FAM227B: variants seen among roughly 807,000 people sequenced by gnomAD.
The protein encoded by FAM227B is family with sequence similarity 227 member B.
In FAM227B, 88 loss-of-function variants were observed where a neutral mutation model predicts 73.8. That is an observed-to-expected ratio of 1.19 (90% CI 1.00 to 1.42). The LOEUF (loss-of-function observed/expected upper bound fraction) is 1.42, where lower values mean the gene tolerates loss of function less well. Among genes scored for constraint, FAM227B ranks in the 40% most tolerant of loss-of-function variants. FAM227B has a pLI of 0.00. For synonymous variants in FAM227B, 210 were observed against 190.5 expected, an observed-to-expected ratio of 1.10 and a Z score of -0.84; for missense variants, 632 against 590.9, an observed-to-expected ratio of 1.07 and a Z score of -0.72.
intron 3 of FAM227B, among the ~76,000 whole-genome samples, chr15:49,598,931 T>C (rs911350971): frequency 1.3e-5 from 2 of 152,184 alleles, no homozygotes; most frequent in East Asian, 1.9e-4. Context: ...CGTGTCCTTG[T>C]AGTATCAGGG....
At chr15:49,366,600 T>A in intron 13 of FAM227B, 1 of 1,600,538 alleles carries the variant, frequency 6.2e-7, no homozygotes, top group Non-Finnish European at 8.6e-7. Flanking sequence ...GCATGCAAGA[T>A]TGCTTCCTGA....
In FAM227B at chr15:49,332,862, G is replaced by A. The variant is rs113608274; in HGVS notation, c.1350-1013C>T. Among the ~76,000 whole-genome samples the A allele has an allele frequency of 6.5e-3, 983 of 152,198 alleles. 17 individuals carry two copies. Among genetic ancestry groups the A allele is most frequent in the African/African-American group, 0.023 (943 of 41,504 alleles). Reference sequence around the variant, plus strand: ...GAAGGCAGAGTGGGATTACTTAGTCGGAGGTTCTCTTGCATTTGTGCTCTG... The same window carrying A: ...GAAGGCAGAGTGGGATTACTTAGTCAGAGGTTCTCTTGCATTTGTGCTCTG... On this transcript the variant is annotated intron_variant, in intron 14 of 15. Transcript: ENST00000299338.
intron 9 of FAM227B, among the ~76,000 whole-genome samples, chr15:49,555,244 G>T (rs1360282098): frequency 6.6e-6 from 1 of 152,218 alleles, no homozygotes; most frequent in Non-Finnish European, 1.5e-5. Context: ...TTATAAAGCA[G>T]ATTTGTTGGT....
rs927717170 is a variant in FAM227B, at chr15:49,450,288, C to A, written c.1012+57923G>T. On this transcript the variant is annotated intron_variant, in intron 11 of 15. Transcript: ENST00000299338. ...TCATCATCTTTTAGCAGTTTCCTGT[C>A]AATACAAGATAACTCTTTCTTCCAA... Among the ~76,000 whole-genome samples, 5 of 152,058 alleles carry A rather than the reference C, an allele frequency of 3.3e-5. No homozygotes were observed. The East Asian group carries it at 9.6e-4, about 29-fold the overall frequency.
chr15:49,370,615 T>C (rs1421484773), intron 12 of FAM227B, among the ~76,000 whole-genome samples: 2 of 152,258 alleles, frequency 1.3e-5, no homozygotes, highest in Non-Finnish European at 2.9e-5. Context: ...GTGGTTTTTA[T>C]ATAGGCATAA....
rs1452544931 is a variant in FAM227B, at chr15:49,328,665, G to A, written c.1430C>T (p.Ala477Val). ...EKFLHKLRSE[A>V]EIERECVASL... The stretch of plus-strand genomic sequence containing the variant: ...TGCCACACATTCTCTCTCAATTTCA[G>A]CTTCGGAACGCTATGAAAATAATAC... The change falls in exon 16 of 16, where the codon GCT becomes GTT. Residue 477 changes from alanine to valine, a missense_variant. Transcript: ENST00000299338. 3 of 1,559,848 alleles carry A rather than the reference G, an allele frequency of 1.9e-6. No individual in the cohort carries two copies. The East Asian group carries it at 7.1e-5, about 37-fold the overall frequency.
At chr15:49,473,336 T>G (rs1226388388) in intron 11 of FAM227B, among the ~76,000 whole-genome samples, 2 of 152,152 alleles carry the variant, frequency 1.3e-5, no homozygotes, top group Non-Finnish European at 2.9e-5. Flanking sequence ...AACCATTGGT[T>G]AACAAGAGAA....
At chr15:49,620,182 T>C (rs950049278) in intron 1 of FAM227B, 5 of 152,212 alleles carry the variant, frequency 3.3e-5, no homozygotes, top group African/African-American at 1.2e-4. Flanking sequence ...CTCAGCTTTC[T>C]TGAAATTCCT....
intron 11 of FAM227B, among the ~76,000 whole-genome samples, chr15:49,462,370 C>T (rs565470791): frequency 7.2e-5 from 11 of 152,192 alleles, no homozygotes; most frequent in African/African-American, 2.2e-4. Context: ...TAGAAATTTT[C>T]GGATGATATT....
At chr15:49,525,718 A>ATATATATC (rs1567487625) in intron 10 of FAM227B, among the ~76,000 whole-genome samples, 1 of 92,344 alleles carries the variant, frequency 1.1e-5, no homozygotes, top group African/African-American at 3.9e-5. Flanking sequence ...ATATATATAT[A>ATATATATC]TCACAAACAG....
chr15:49,416,489 G>A (rs1419929222), intron 11 of FAM227B, among the ~76,000 whole-genome samples: 6 of 151,960 alleles, frequency 3.9e-5, no homozygotes, highest in Admixed American at 6.6e-5. Flanking sequence ...ATTCAGCATC[G>A]TATTTGAAGT....
chr15:49,424,422 C>G (rs895834784), intron 11 of FAM227B: 3 of 1,613,580 alleles, frequency 1.9e-6, no homozygotes, highest in Non-Finnish European at 2.5e-6. Context: ...CAAATGGCTA[C>G]AAATGTGAAC....
intron 9 of FAM227B, among the ~76,000 whole-genome samples, chr15:49,549,499 T>C (rs952398108): frequency 6.6e-6 from 1 of 152,068 alleles, no homozygotes; most frequent in African/African-American, 2.4e-5. Flanking sequence ...TTTGTGTCCC[T>C]GGGTACTTGA....
intron 11 of FAM227B, among the ~76,000 whole-genome samples, chr15:49,405,997 G>A (rs2048482650): frequency 6.6e-6 from 1 of 152,186 alleles, no homozygotes; most frequent in South Asian, 2.1e-4. Flanking sequence ...CTTCATTTCT[G>A]GAAGATTCCA....
At chr15:49,542,766 T>C (rs1238897582) in intron 9 of FAM227B, among the ~76,000 whole-genome samples, 2 of 150,788 alleles carry the variant, frequency 1.3e-5, no homozygotes, top group African/African-American at 2.4e-5. Flanking sequence ...TTTTTAACTT[T>C]TATTTTATAT....
intron 11 of FAM227B, among the ~76,000 whole-genome samples, chr15:49,430,681 G>A (rs1380151379): frequency 6.6e-6 from 1 of 151,826 alleles, no homozygotes; most frequent in African/African-American, 2.4e-5. Context: ...ATGTATGAGA[G>A]TAAGAGAGTA....
chr15:49,489,820 T>TA (rs1491385525), intron 11 of FAM227B, among the ~76,000 whole-genome samples: 2 of 34,044 alleles, frequency 5.9e-5, no homozygotes, highest in East Asian at 1.5e-3. Flanking sequence ...TATATATATA[T>TA]TTTATATATA....
At chr15:49,431,351 G>T (rs540641740) in intron 11 of FAM227B, among the ~76,000 whole-genome samples, 2 of 151,902 alleles carry the variant, frequency 1.3e-5, no homozygotes, top group African/African-American at 4.8e-5. Flanking sequence ...ATCTTTAGTA[G>T]AGAAGTCGTG....
intron 13 of FAM227B, among the ~76,000 whole-genome samples, chr15:49,355,597 A>G (rs1397225256): frequency 6.6e-6 from 1 of 152,216 alleles, no homozygotes; most frequent in Non-Finnish European, 1.5e-5. Context: ...ATGTGAAAAG[A>G]CCAAATCTAC....
Sources: allele counts gnomAD v4.1 joint callset (sites outside exome capture counted in the v4.1 genomes callset), GRCh38; gene constraint gnomAD v4.1.1; transcripts MANE v1.5; gene names NCBI Gene and HGNC (gene_info 2026-07-23, HGNC 2026-07-21).